The following VTI1A variants were observed in gnomAD, a reference collection of about 807,000 sequenced individuals.
VTI1A encodes vesicle transport through interaction with t-SNAREs homolog 1A.
VTI1A carries 22 observed loss-of-function variants against 34.9 expected under a neutral mutation model. The observed-to-expected ratio is 0.63, with a 90% CI of 0.45 to 0.90. VTI1A has a LOEUF of 0.90. VTI1A is among the 40% of genes least tolerant of loss of function. The pLI, the probability that VTI1A is intolerant of heterozygous loss-of-function variation, is 0.00. For missense variants in VTI1A, 268 were observed against 275.6 expected (o/e 0.97, Z 0.20); for synonymous variants, 87 against 97.3 (o/e 0.89, Z 0.62).
At chr10:112,611,625 C>T (rs1044510358) in intron 5 of VTI1A, among the ~76,000 whole-genome samples, 1 of 151,556 alleles carries the variant, frequency 6.6e-6, no homozygotes, top group African/African-American at 2.4e-5. Context: ...TGATGTTTTT[C>T]GCATATAAAA....
At position 112,540,874 on chromosome 10, in the gene VTI1A, A is replaced by G. The variant is rs78628680; in HGVS notation, c.427+2544A>G. On this transcript the variant is annotated intron_variant, in intron 5 of 7. Coordinates refer to ENST00000393077, the MANE Select transcript of VTI1A (RefSeq NM_145206.4). ...GGAATGCAAGGAGGAAGAGAGGTGG[A>G]AGAACTAGTATAACTTTTGAAACAG... Among the ~76,000 whole-genome samples, 1,136 of 152,326 alleles carry G rather than the reference A, an allele frequency of 7.5e-3. 5 individuals carry two copies. The highest frequency in any genetic ancestry group is 0.02 in the Middle Eastern group (6 of 294).
At chr10:112,536,604 G>A (rs1410755193) in intron 4 of VTI1A, among the ~76,000 whole-genome samples, 3 of 151,170 alleles carry the variant, frequency 2.0e-5, no homozygotes, top group Admixed American at 6.6e-5. Flanking sequence ...TTTTTGCAGA[G>A]GGAGGGGACA....
chr10:112,584,630 A>G (rs761358302), intron 5 of VTI1A, among the ~76,000 whole-genome samples: 1 of 152,238 alleles, frequency 6.6e-6, no homozygotes, highest in East Asian at 1.9e-4. Flanking sequence ...GTGACCGACA[A>G]CAAACTAAGC....
intron 5 of VTI1A, among the ~76,000 whole-genome samples, chr10:112,564,480 CAGTTA>C (rs927288969): frequency 6.6e-6 from 1 of 151,232 alleles, no homozygotes; most frequent in Admixed American, 6.6e-5. Context: ...GAAGTTAAAA[CAGTTA>C]AGTTGTAGTG....
chr10:112,851,641 T>C, the VTI1A span, among the ~76,000 whole-genome samples: 6 of 152,202 alleles, frequency 3.9e-5, no homozygotes, highest in African/African-American at 1.4e-4. Context: ...CCAGAAAGTA[T>C]TGAAAACAGA....
At chr10:112,833,821 C>T in the VTI1A span, among the ~76,000 whole-genome samples, 1 of 152,136 alleles carries the variant, frequency 6.6e-6, no homozygotes, top group Admixed American at 6.5e-5. Context: ...ATCTTTAGCT[C>T]CCAAAGAAGG....
intron 7 of VTI1A, among the ~76,000 whole-genome samples, chr10:112,742,174 T>G (rs576437472): frequency 6.6e-6 from 1 of 152,360 alleles, no homozygotes; most frequent in African/African-American, 2.4e-5. Flanking sequence ...CACTCTGAGC[T>G]TGACCTGGCA....
chr10:112,466,285 C>T (rs1460912553), intron 3 of VTI1A, among the ~76,000 whole-genome samples: 1 of 152,168 alleles, frequency 6.6e-6, no homozygotes, highest in East Asian at 1.9e-4. Context: ...TGGTAGAAAT[C>T]CCTCCTAGAG....
At chr10:112,662,610 G>T (rs192669840) in intron 5 of VTI1A, among the ~76,000 whole-genome samples, 151 of 152,110 alleles carry the variant, frequency 9.9e-4, no homozygotes, top group African/African-American at 3.5e-3. Context: ...AAATCTTTAT[G>T]TGCTAACTGT....
intron 7 of VTI1A, among the ~76,000 whole-genome samples, chr10:112,698,974 CT>C (rs1848893477): frequency 1.3e-5 from 2 of 150,074 alleles, no homozygotes; most frequent in South Asian, 4.2e-4. Flanking sequence ...TACCACACCC[CT>C]GAGTAGTGGC....
intron 3 of VTI1A, among the ~76,000 whole-genome samples, chr10:112,506,117 A>C (rs551073110): frequency 2.0e-5 from 3 of 152,272 alleles, no homozygotes; most frequent in African/African-American, 7.2e-5. Context: ...GAATATACTT[A>C]AACAAACCTA....
intron 7 of VTI1A, among the ~76,000 whole-genome samples, chr10:112,807,946 T>C (rs1188250415): frequency 6.6e-6 from 1 of 151,854 alleles, no homozygotes; most frequent in African/African-American, 2.4e-5. Context: ...TGGCTCAGCA[T>C]GGAGCTCATG....
At chr10:112,559,640 A>G (rs1011564) in intron 5 of VTI1A, among the ~76,000 whole-genome samples, 345 of 152,262 alleles carry the variant, frequency 2.3e-3, no homozygotes, top group African/African-American at 6.4e-3. Context: ...ACAGTGGATT[A>G]TCTCTTTATC....
intron 5 of VTI1A, among the ~76,000 whole-genome samples, chr10:112,623,224 T>G (rs1845794664): frequency 6.6e-6 from 1 of 152,186 alleles, no homozygotes; most frequent in South Asian, 2.1e-4. Context: ...GGGTAACACT[T>G]TATCCTTCTT....
chr10:112,678,670 A>G (rs1272489464), intron 7 of VTI1A, among the ~76,000 whole-genome samples: 4 of 152,220 alleles, frequency 2.6e-5, no homozygotes, highest in African/African-American at 9.6e-5. Context: ...GCGTATTCAC[A>G]CATCAATTTT....
intron 5 of VTI1A, among the ~76,000 whole-genome samples, chr10:112,559,064 C>A (rs1368597873): frequency 1.3e-5 from 2 of 152,144 alleles, no homozygotes; most frequent in East Asian, 3.9e-4. Flanking sequence ...TAACTGGCAA[C>A]CTCAGATCCA....
intron 5 of VTI1A, among the ~76,000 whole-genome samples, chr10:112,576,526 G>A (rs1843716719): frequency 6.6e-6 from 1 of 152,142 alleles, no homozygotes; most frequent in Non-Finnish European, 1.5e-5. Flanking sequence ...AAATTTCCAA[G>A]TGGAAGTTGA....
intron 7 of VTI1A, among the ~76,000 whole-genome samples, chr10:112,730,810 A>T (rs1850225663): frequency 6.6e-6 from 1 of 152,202 alleles, no homozygotes; most frequent in Admixed American, 6.5e-5. Flanking sequence ...ATTTGGAAAA[A>T]CAAACTGAAA....
At chr10:112,475,085 A>G (rs77261323) in intron 3 of VTI1A, among the ~76,000 whole-genome samples, 3 of 152,174 alleles carry the variant, frequency 2.0e-5, no homozygotes, top group Non-Finnish European at 2.9e-5. Flanking sequence ...TGTACACTTG[A>G]TTAGAATAAT....
Sources: gnomAD v4.1 joint callset for allele counts (sites outside exome capture counted in the v4.1 genomes callset) on GRCh38, gnomAD v4.1.1 for gene constraint, MANE v1.5 for transcripts, NCBI Gene and HGNC (gene_info 2026-07-23, HGNC 2026-07-21) for gene names.